PPP4R4: variants seen among roughly 807,000 people sequenced by gnomAD.
The protein encoded by PPP4R4 is protein phosphatase 4 regulatory subunit 4.
PPP4R4 carries 70 observed loss-of-function variants against 121.8 expected under a neutral mutation model. The observed-to-expected ratio is 0.57, with a 90% confidence interval of 0.47 to 0.70. The LOEUF (loss-of-function observed/expected upper bound fraction) is 0.70, where lower values mean the gene tolerates loss of function less well. PPP4R4 is among the 30% of genes least tolerant of loss of function. The pLI is 0.00. For missense variants in PPP4R4, 875 were observed against 1,033.6 expected (o/e 0.85, Z 2.10); for synonymous variants, 348 against 355.7 (o/e 0.98, Z 0.24).
Position 94,278,710 on chromosome 14 carries a change from TA to T in PPP4R4, c.*70del. ...GATAATGTGATTGGTACACAAAAGCTAAAGCAGTGGCTGGGGCTTTGTTTTT... is the reference window on the plus strand; with the variant it reads ...GATAATGTGATTGGTACACAAAAGCTAAGCAGTGGCTGGGGCTTTGTTTTT... On this transcript the variant is annotated 3_prime_UTR_variant, in exon 25 of 25. Coordinates refer to ENST00000304338, the MANE Select transcript of PPP4R4 (RefSeq NM_058237.2). 7.0e-7 allele frequency: 1 copy of T among 1,426,646 alleles called. No individual in the cohort carries two copies. The highest frequency in any genetic ancestry group is 1.6e-5 in the South Asian group (1 of 64,328). The allele number at this position is 1,426,646 out of a possible 1,614,324, so 88.4% of individuals were successfully genotyped here.
intron 21 of PPP4R4, 128 bp downstream of exon 21, chr14:94,265,601 T>C: frequency 1.1e-6 from 1 of 892,676 alleles, no homozygotes; most frequent in Non-Finnish European, 1.7e-6. Flanking sequence ...CTTTTCACCT[T>C]CTATCATTAG....
chr14:94,234,521 ACACT>A, intron 6 of PPP4R4, 37 bp from the exon 7 acceptor site: 1 of 1,192,044 alleles, frequency 8.4e-7, no homozygotes, highest in South Asian at 1.3e-5. Flanking sequence ...TTATTCTGAA[ACACT>A]CATTCATTTG....
intron 9 of PPP4R4, 58 bp from the exon 10 acceptor site, chr14:94,241,730 C>T (rs1337744156): frequency 1.3e-5 from 17 of 1,312,368 alleles, no homozygotes; most frequent in South Asian, 7.5e-5. Context: ...TTTGATTTTC[C>T]CTTTTTAAAT....
At chr14:94,213,696 GC>G (rs1488961975) in intron 3 of PPP4R4, among the ~76,000 whole-genome samples, 2 of 152,148 alleles carry the variant, frequency 1.3e-5, no homozygotes, top group African/African-American at 4.8e-5. Context: ...GTGGCCACAA[GC>G]CAAGGAATGA....
chr14:94,252,522 G>T (rs1893242773), intron 16 of PPP4R4, among the ~76,000 whole-genome samples: 1 of 151,996 alleles, frequency 6.6e-6, no homozygotes, highest in African/African-American at 2.4e-5. Context: ...GGTAAAATAT[G>T]TATAATATAA....
At chr14:94,198,248 T>C (rs1330819750) in intron 2 of PPP4R4, among the ~76,000 whole-genome samples, 4 of 152,230 alleles carry the variant, frequency 2.6e-5, no homozygotes, top group Non-Finnish European at 5.9e-5. Flanking sequence ...TGTAGTGATA[T>C]CTCATTGTGG....
chr14:94,242,665 G>A (rs1892694789), intron 11 of PPP4R4, among the ~76,000 whole-genome samples: 1 of 152,026 alleles, frequency 6.6e-6, no homozygotes, highest in Non-Finnish European at 1.5e-5. Flanking sequence ...GTTTAAACCA[G>A]ACATTGTGGT....
intron 19 of PPP4R4, among the ~76,000 whole-genome samples, chr14:94,262,275 G>A (rs186441919): frequency 6.6e-6 from 1 of 151,924 alleles, no homozygotes; most frequent in African/African-American, 2.4e-5. Context: ...ATTTTGGTAA[G>A]TTGCTTCCCT....
intron 23 of PPP4R4, among the ~76,000 whole-genome samples, chr14:94,272,950 C>A (rs1003070847): frequency 2.0e-5 from 3 of 152,166 alleles, no homozygotes; most frequent in Admixed American, 2.0e-4. Context: ...AGCCCCATGA[C>A]ACACCTATTA....
chr14:94,277,479 CCTTCT>C (rs1894708708), intron 24 of PPP4R4, among the ~76,000 whole-genome samples: 3 of 152,150 alleles, frequency 2.0e-5, no homozygotes, highest in African/African-American at 7.2e-5. Context: ...CTCTAAGGTG[CCTTCT>C]AGCTCTGGCA....
chr14:94,264,651 A>T (rs1893944459), intron 19 of PPP4R4, among the ~76,000 whole-genome samples: 1 of 152,176 alleles, frequency 6.6e-6, no homozygotes, highest in African/African-American at 2.4e-5. Context: ...ATGATACCAA[A>T]CTCATTGTTT....
chr14:94,262,560 A>C (rs1236298779), intron 19 of PPP4R4, among the ~76,000 whole-genome samples: 1 of 151,968 alleles, frequency 6.6e-6, no homozygotes, highest in African/African-American at 2.4e-5. Context: ...CTCCACACCC[A>C]TTCTTCATGT....
At chr14:94,212,677 C>A (rs755710497) in intron 3 of PPP4R4, among the ~76,000 whole-genome samples, 9 of 151,876 alleles carry the variant, frequency 5.9e-5, no homozygotes, top group Non-Finnish European at 1.3e-4. Flanking sequence ...AGTTTTAATT[C>A]TTTTTCCACA....
intron 3 of PPP4R4, among the ~76,000 whole-genome samples, chr14:94,210,322 T>C (rs909347811): frequency 3.3e-5 from 5 of 151,712 alleles, no homozygotes; most frequent in Non-Finnish European, 5.9e-5. Flanking sequence ...TCAAAGTGTA[T>C]AAAGAATATT....
chr14:94,253,971 C>T (rs1893329128), intron 16 of PPP4R4, among the ~76,000 whole-genome samples: 1 of 152,194 alleles, frequency 6.6e-6, no homozygotes. Flanking sequence ...TCCGGAGCCA[C>T]ACTCCCTGAG....
intron 23 of PPP4R4, among the ~76,000 whole-genome samples, chr14:94,270,497 C>G (rs1173522954): frequency 6.6e-6 from 1 of 152,112 alleles, no homozygotes; most frequent in Non-Finnish European, 1.5e-5. Context: ...CTATAAAATG[C>G]TGGTAATCAA....
rs562261924 is a variant in PPP4R4, at chr14:94,252,212, AT to A, written c.1865+318del. On this transcript the variant is annotated intron_variant, in intron 16 of 24. Transcript: ENST00000304338. ...AGTAGATGTTATTAATTTATCTACCATTAAAACTAAAGAAAAGACGGTCAGT... is the reference window on the plus strand; with the variant it reads ...AGTAGATGTTATTAATTTATCTACCATAAAACTAAAGAAAAGACGGTCAGT... Among the ~76,000 whole-genome samples the A allele has an allele frequency of 1.4e-3, 213 of 152,302 alleles. 2 individuals are homozygous for A. Among genetic ancestry groups the A allele is most frequent in the African/African-American group, 5.0e-3 (206 of 41,594 alleles).
intron 2 of PPP4R4, among the ~76,000 whole-genome samples, chr14:94,190,701 A>G (rs2139402599): frequency 6.6e-6 from 1 of 152,338 alleles, no homozygotes; most frequent in South Asian, 2.1e-4. Flanking sequence ...AAAAAAATTA[A>G]CAGGAGGGAG....
Position 94,175,867 on chromosome 14 carries a change from C to G in PPP4R4, c.118-187C>G. The G allele has an allele frequency of 6.8e-6, 4 of 587,916 alleles. No homozygotes were observed. In the South Asian group the frequency reaches 8.7e-5, roughly 13 times the overall value. The allele number at this position is 587,916 out of a possible 1,614,324, so 36.4% of individuals were successfully genotyped here. On this transcript the variant is annotated intron_variant, in intron 1 of 24. Transcript: ENST00000304338. ...CAGCCCCCTCCCCAAACTCCCCAAACCACCCAATTAGAGACCTCCGTGATT... is the reference window on the plus strand; with the variant it reads ...CAGCCCCCTCCCCAAACTCCCCAAAGCACCCAATTAGAGACCTCCGTGATT...
Sources: gnomAD v4.1 joint callset for allele counts (sites outside exome capture counted in the v4.1 genomes callset) on GRCh38, gnomAD v4.1.1 for gene constraint, MANE v1.5 for transcripts, NCBI Gene and HGNC (gene_info 2026-07-23, HGNC 2026-07-21) for gene names.